Variants in FSTL5 observed in about 807,000 individuals in gnomAD.
FSTL5 encodes the protein follistatin-related protein 5.
Under a neutral mutation model 89.1 loss-of-function variants are expected in FSTL5, and 62 were observed. The observed-to-expected ratio is 0.70, with a 90% CI of 0.57 to 0.86. The LOEUF (loss-of-function observed/expected upper bound fraction) is 0.86, where lower values mean the gene tolerates loss of function less well. FSTL5 is among the 40% of genes least tolerant of loss of function. The pLI, the probability that FSTL5 is intolerant of heterozygous loss-of-function variation, is 0.00. For missense variants in FSTL5, 1,057 were observed against 1,001.6 expected, an observed-to-expected ratio of 1.06 and a Z score of -0.75; for synonymous variants, 383 against 346.2, an observed-to-expected ratio of 1.11 and a Z score of -1.18.
At chr4:161,638,265 T>C (rs1434628965) in intron 7 of FSTL5, among the ~76,000 whole-genome samples, 1 of 151,700 alleles carries the variant, frequency 6.6e-6, no homozygotes. Context: ...GCTCTCTGTT[T>C]GTCTGTTGTT....
chr4:162,080,187 G>C (rs1265549438), intron 2 of FSTL5, among the ~76,000 whole-genome samples: 2 of 151,620 alleles, frequency 1.3e-5, no homozygotes, highest in Non-Finnish European at 3.0e-5. Context: ...TGGATGTCTA[G>C]TGCCTCTTTC....
At chr4:161,979,749 A>C (rs1000748454) in intron 3 of FSTL5, among the ~76,000 whole-genome samples, 12 of 152,106 alleles carry the variant, frequency 7.9e-5, no homozygotes, top group African/African-American at 2.9e-4. Context: ...TGATAACAAC[A>C]TATCTATTGC....
chr4:161,778,138 A>T (rs962316469), intron 4 of FSTL5, among the ~76,000 whole-genome samples: 1 of 151,802 alleles, frequency 6.6e-6, no homozygotes, highest in Non-Finnish European at 1.5e-5. Context: ...GGAAGAAAAA[A>T]TTCTCTAATA....
chr4:161,477,980 G>A (rs1729353737), intron 13 of FSTL5, among the ~76,000 whole-genome samples: 1 of 151,976 alleles, frequency 6.6e-6, no homozygotes, highest in Non-Finnish European at 1.5e-5. Flanking sequence ...ATTTTTGGAA[G>A]TTAAATATAA....
intron 7 of FSTL5, among the ~76,000 whole-genome samples, chr4:161,649,473 A>G (rs1459700241): frequency 1.3e-5 from 2 of 152,220 alleles, no homozygotes; most frequent in Non-Finnish European, 2.9e-5. Context: ...CTATAAAAGC[A>G]AAACAAACAA....
chr4:161,493,829 C>T (rs893283659), intron 12 of FSTL5, among the ~76,000 whole-genome samples: 43 of 152,068 alleles, frequency 2.8e-4, no homozygotes, highest in African/African-American at 9.9e-4. Context: ...TTCATCCAAA[C>T]ACCTTGGCTA....
intron 3 of FSTL5, among the ~76,000 whole-genome samples, chr4:161,997,582 A>G (rs1736332216): frequency 6.7e-6 from 1 of 150,074 alleles, no homozygotes; most frequent in Non-Finnish European, 1.5e-5. Context: ...ATGCATGTGC[A>G]TAAGTGTATA....
chr4:161,636,625 A>G, intron 7 of FSTL5, among the ~76,000 whole-genome samples: 1 of 56,058 alleles, frequency 1.8e-5, no homozygotes, highest in African/African-American at 6.9e-5. Flanking sequence ...CCCCCACCCC[A>G]CCACAGTCCC....
chr4:161,575,739 C>T (rs1733187039), intron 8 of FSTL5, among the ~76,000 whole-genome samples: 1 of 152,172 alleles, frequency 6.6e-6, no homozygotes, highest in Non-Finnish European at 1.5e-5. Flanking sequence ...AGGCGTGAGC[C>T]ACCGTGCACG....
chr4:161,969,866 CA>C (rs1735431753), intron 3 of FSTL5, among the ~76,000 whole-genome samples: 1 of 151,710 alleles, frequency 6.6e-6, no homozygotes, highest in Non-Finnish European at 1.5e-5. Context: ...ATAATATAGG[CA>C]GAGGAAATGA....
chr4:161,394,499 T>G (rs1466315791), intron 15 of FSTL5, among the ~76,000 whole-genome samples: 1 of 152,010 alleles, frequency 6.6e-6, no homozygotes, highest in African/African-American at 2.4e-5. Context: ...ATGGTCTAGA[T>G]CCCCTGACCT....
At chr4:161,775,854 T>A in intron 5 of FSTL5, 24 bp downstream of exon 5, 1 of 1,227,652 alleles carries the variant, frequency 8.1e-7, no homozygotes, top group Non-Finnish European at 1.1e-6. Flanking sequence ...TCAGTAAGTT[T>A]GTTAATATAG....
chr4:161,697,782 T>C (rs888396808), intron 6 of FSTL5, among the ~76,000 whole-genome samples: 3 of 152,186 alleles, frequency 2.0e-5, no homozygotes, highest in African/African-American at 7.2e-5. Context: ...CTCACTCATA[T>C]GTGGAAGTCA....
Position 161,391,559 on chromosome 4 carries a change from G to T in FSTL5, c.1842-5110C>A, listed in dbSNP as rs118095950. ...CATTTATGAATAAATGAATATAAAG[G>T]AATTTATATTTAGTTTTTTCTATTA... is the stretch of plus-strand genomic sequence containing the variant. On this transcript the variant is annotated intron_variant, in intron 15 of 15. Transcript: ENST00000306100. Among the ~76,000 whole-genome samples the T allele has an allele frequency of 3.3e-3, 497 of 152,156 alleles. 13 individuals carry two copies. The East Asian group carries it at 0.055, about 17-fold the overall frequency.
At chr4:161,992,771 G>A (rs1207077382) in intron 3 of FSTL5, among the ~76,000 whole-genome samples, 2 of 147,814 alleles carry the variant, frequency 1.4e-5, no homozygotes, top group East Asian at 4.0e-4. Context: ...TTGAACCCGG[G>A]AGTTGGACGT....
chr4:161,843,660 C>A (rs975669652), intron 4 of FSTL5, among the ~76,000 whole-genome samples: 4 of 152,130 alleles, frequency 2.6e-5, no homozygotes, highest in African/African-American at 9.7e-5. Flanking sequence ...ACTATCTGAT[C>A]TTTGACAAAC....
At chr4:161,831,520 C>CAA (rs139499944) in intron 4 of FSTL5, among the ~76,000 whole-genome samples, 9,068 of 150,510 alleles carry the variant, frequency 0.06, 283 homozygotes, top group Non-Finnish European at 0.071. Flanking sequence ...TGTTTTGTTA[C>CAA]AAAAAAAAGC....
rs186279230 is a variant in FSTL5, at chr4:161,819,185, T to A, written c.410-43111A>T. Among the ~76,000 whole-genome samples the A allele has an allele frequency of 2.0e-3, 304 of 152,222 alleles. 2 individuals are homozygous for A. The highest frequency in any genetic ancestry group is 8.3e-3 in the East Asian group (43 of 5,188). Reference sequence around the variant, plus strand: ...ATGAAGTTATATGTTTATCTAATAATAACTAAGTTGAAAATATTTTTGGTG... The same window carrying A: ...ATGAAGTTATATGTTTATCTAATAAAAACTAAGTTGAAAATATTTTTGGTG... On this transcript the variant is annotated intron_variant, in intron 4 of 15. Transcript: ENST00000306100.
At chr4:161,814,903 G>T (rs1730276983) in intron 4 of FSTL5, among the ~76,000 whole-genome samples, 1 of 151,980 alleles carries the variant, frequency 6.6e-6, no homozygotes, top group Non-Finnish European at 1.5e-5. Flanking sequence ...ATTTTTGTGG[G>T]TTTATAATGC....
Sources: allele counts gnomAD v4.1 joint callset (sites outside exome capture counted in the v4.1 genomes callset), GRCh38; gene constraint gnomAD v4.1.1; transcripts MANE v1.5; gene names NCBI Gene and HGNC (gene_info 2026-07-23, HGNC 2026-07-21).